Variants in POLN observed in about 807,000 individuals in gnomAD.
The protein encoded by POLN is DNA polymerase nu.
In POLN, 108 loss-of-function variants were observed where a neutral mutation model predicts 113.5. The ratio of observed to expected loss-of-function variants is 0.95; its 90% confidence interval spans 0.81 to 1.12. The LOEUF is 1.12. Ranked by LOEUF, POLN falls within the 50% of genes most tolerant of loss-of-function variation. The pLI, the probability that POLN is intolerant of heterozygous loss-of-function variation, is 0.00. For synonymous variants in POLN, 386 were observed against 391.5 expected (o/e 0.99, Z 0.17); for missense variants, 1,097 against 1,077.1 (o/e 1.02, Z -0.26).
intron 19 of POLN, 148 bp from the exon 20 acceptor site, chr4:2,096,081 C>T: frequency 2.8e-6 from 2 of 724,586 alleles, no homozygotes; most frequent in Non-Finnish European, 4.9e-6. Context: ...GGGAGACATT[C>T]CATACCTGTG....
At chr4:2,132,342 G>A (rs397108) in intron 16 of POLN, among the ~76,000 whole-genome samples, 126,592 of 152,184 alleles carry the variant, frequency 0.83, 53,408 homozygotes, top group Non-Finnish European at 0.9. Flanking sequence ...AAGGACCTGT[G>A]GGCTAATATC....
intron 14 of POLN, among the ~76,000 whole-genome samples, chr4:2,158,723 G>C (rs1385101140): frequency 1.3e-5 from 2 of 152,218 alleles, no homozygotes; most frequent in Non-Finnish European, 2.9e-5. Context: ...GGAATCACCA[G>C]GGGAGGGAAG....
At chr4:2,081,213 C>T (rs560904769) in intron 22 of POLN, 177 bp from the exon 23 acceptor site, 37 of 1,554,458 alleles carry the variant, frequency 2.4e-5, no homozygotes, top group South Asian at 5.8e-5. Context: ...TTGCTCCTCC[C>T]GCCCTCTTGC....
intron 19 of POLN, among the ~76,000 whole-genome samples, chr4:2,097,420 G>A (rs891717918): frequency 5.3e-5 from 8 of 150,070 alleles, no homozygotes; most frequent in East Asian, 2.0e-4. Context: ...GTGCGATCTC[G>A]ACTCACTGCA....
At chr4:2,114,945 T>C (rs375609174) in intron 19 of POLN, among the ~76,000 whole-genome samples, 92 of 152,040 alleles carry the variant, frequency 6.1e-4, no homozygotes, top group African/African-American at 2.2e-3. Context: ...TTTTTTCCTT[T>C]GTATCTCATT....
rs576204218 is a variant in POLN at position 2,173,515 on chromosome 4, C to T, written c.1374+440G>A. 2.1e-3 allele frequency among the ~76,000 whole-genome samples: 320 copies of T among 152,150 alleles called. 2 individuals carry two copies. Among genetic ancestry groups the T allele is most frequent in the African/African-American group, 7.4e-3 (308 of 41,498 alleles). On this transcript the variant is annotated intron_variant, in intron 11 of 25. Transcript: ENST00000511885. ...GCTTCTCTTCATCTTTGCCCCGCCC[C>T]GCCACTGCTCACCCTTCCCAGTCTC...
intron 16 of POLN, among the ~76,000 whole-genome samples, chr4:2,135,787 C>A (rs548777748): frequency 1.3e-5 from 2 of 152,178 alleles, no homozygotes; most frequent in Non-Finnish European, 2.9e-5. Context: ...ATGAGAGCAT[C>A]GAAGTCAGAC....
At chr4:2,240,437 A>T in intron 2 of POLN, 1 of 1,613,908 alleles carries the variant, frequency 6.2e-7, no homozygotes, top group Non-Finnish European at 8.5e-7. Flanking sequence ...TAACTTCATC[A>T]GTAAGAGCCT....
chr4:2,169,445 AGAG>A (rs1007016666), intron 13 of POLN, among the ~76,000 whole-genome samples: 7 of 152,080 alleles, frequency 4.6e-5, no homozygotes, highest in Non-Finnish European at 1.0e-4. Context: ...ACTCACTGTG[AGAG>A]GAGGCGGAAG....
chr4:2,073,382 G>A (rs182917543), intron 24 of POLN, among the ~76,000 whole-genome samples: 3 of 152,360 alleles, frequency 2.0e-5, no homozygotes, highest in Non-Finnish European at 4.4e-5. Flanking sequence ...GGGCCATGGG[G>A]TGGGGCAGGC....
chr4:2,116,944 T>C (rs1731330256), intron 19 of POLN, among the ~76,000 whole-genome samples: 4 of 152,260 alleles, frequency 2.6e-5, no homozygotes, highest in Admixed American at 2.6e-4. Flanking sequence ...TCATTTTTAA[T>C]GAAGACATAC....
intron 5 of POLN, 73 bp from the exon 6 acceptor site, chr4:2,198,790 A>C: frequency 7.3e-7 from 1 of 1,364,852 alleles, no homozygotes; most frequent in Non-Finnish European, 9.9e-7. Context: ...TTTTAAAATT[A>C]AGCAGAGAGA....
intron 13 of POLN, among the ~76,000 whole-genome samples, chr4:2,168,351 G>C (rs1303400845): frequency 6.6e-6 from 1 of 152,242 alleles, no homozygotes; most frequent in African/African-American, 2.4e-5. Flanking sequence ...GGGAAAGGGA[G>C]GATGGAGAGA....
intron 7 of POLN, among the ~76,000 whole-genome samples, chr4:2,186,063 G>C (rs1345215994): frequency 6.6e-6 from 1 of 152,154 alleles, no homozygotes; most frequent in Admixed American, 6.5e-5. Context: ...CCACACAGAA[G>C]TGAAAAAACT....
chr4:2,207,576 T>G (rs536320572), intron 5 of POLN, among the ~76,000 whole-genome samples: 42 of 151,944 alleles, frequency 2.8e-4, no homozygotes, highest in African/African-American at 1.0e-3. Flanking sequence ...GGCAAAAAAT[T>G]TGAACAGACA....
intron 3 of POLN, among the ~76,000 whole-genome samples, chr4:2,221,243 C>G (rs1393483929): frequency 6.6e-6 from 1 of 152,004 alleles, no homozygotes; most frequent in South Asian, 2.1e-4. Flanking sequence ...GCTCAAGCAA[C>G]AGTCCCCCTT....
At chr4:2,203,713 G>A (rs762088511) in intron 5 of POLN, among the ~76,000 whole-genome samples, 24 of 151,840 alleles carry the variant, frequency 1.6e-4, no homozygotes, top group Non-Finnish European at 2.6e-4. Flanking sequence ...AGGAACTAGA[G>A]AAACAAGAAC....
chr4:2,204,109 CAAAAAA>C (rs566255148), intron 5 of POLN, among the ~76,000 whole-genome samples: 5 of 53,234 alleles, frequency 9.4e-5, no homozygotes, highest in Non-Finnish European at 1.8e-4. Flanking sequence ...AACTCTATCA[CAAAAAA>C]AAAAAAAAAA....
chr4:2,081,653 G>A lies in POLN; in HGVS notation c.2288C>T (p.Ala763Val). 6.2e-7 allele frequency: 1 copy of A among 1,614,216 alleles called. No homozygotes were observed. Among genetic ancestry groups the A allele is most frequent in the Non-Finnish European group, 8.5e-7 (1 of 1,180,032 alleles). Residue 763 changes from alanine (A) to valine (V), a missense_variant, in exon 22 of 26, where the codon GCA becomes GTA. Coordinates refer to ENST00000511885, the MANE Select transcript of POLN (RefSeq NM_181808.4). ...GGTACCTTGCACCACGAAGTTCACT[G>A]CCTGTCGCTCTGCTTGTGCCCGGAG... The part of the protein sequence containing the change: ...QQLRAQAERQ[A>V]VNFVVQGSAA...
Sources: gnomAD v4.1 joint callset for allele counts (sites outside exome capture counted in the v4.1 genomes callset) on GRCh38, gnomAD v4.1.1 for gene constraint, MANE v1.5 for transcripts, NCBI Gene and HGNC (gene_info 2026-07-23, HGNC 2026-07-21) for gene names.